The following PSMG2 variants were observed in gnomAD, a reference collection of about 807,000 sequenced individuals.
PSMG2 encodes CD40 ligand-activated specific transcript 3.
PSMG2 carries 21 observed loss-of-function variants against 31.5 expected under a neutral mutation model. The observed-to-expected ratio is 0.67, with a 90% CI of 0.47 to 0.96. The LOEUF (loss-of-function observed/expected upper bound fraction) is 0.96. Among genes scored for constraint, PSMG2 ranks in the 40% least tolerant of loss-of-function variants. The pLI, the probability that PSMG2 is intolerant of heterozygous loss-of-function variation, is 0.00. For synonymous variants in PSMG2, 120 were observed against 110.4 expected, an observed-to-expected ratio of 1.09 and a Z score of -0.54; for missense variants, 318 against 321.2, an observed-to-expected ratio of 0.99 and a Z score of 0.08.
At chr18:12,717,012 C>T (rs530860031) in intron 3 of PSMG2, among the ~76,000 whole-genome samples, 163 of 144,724 alleles carry the variant, frequency 1.1e-3, no homozygotes, top group African/African-American at 4.0e-3. Flanking sequence ...TGCAGTGGCA[C>T]AACTATGGCT....
At chr18:12,697,326 T>C in intron 1 of PSMG2, 1 of 1,613,900 alleles carries the variant, frequency 6.2e-7, no homozygotes, top group Non-Finnish European at 8.5e-7. Context: ...TCTCACCAAA[T>C]ATGTCTGTTT....
chr18:12,720,602 G>C lies in PSMG2; in HGVS notation c.500G>C (p.Arg167Pro). 6.2e-7 allele frequency: 1 copy of C among 1,613,680 alleles called. No individual in the cohort carries two copies. The highest frequency in any genetic ancestry group is 8.5e-7 in the Non-Finnish European group (1 of 1,179,818). ...AACTGGGAAGAAATGGAAAAAAGCCGGTGCATTCCTGAAATAGATGATTCC... is the reference window on the plus strand; with the variant it reads ...AACTGGGAAGAAATGGAAAAAAGCCCGTGCATTCCTGAAATAGATGATTCC... The part of the protein sequence containing the change: ...SLNWEEMEKS[R>P]CIPEIDDSEF... Residue 167 changes from arginine (R) to proline (P), a missense_variant, in exon 5 of 7, where the codon CGG becomes CCG. By Grantham distance (103) the Arg-to-Pro change is moderately radical (BLOSUM62 -2). Coordinates refer to ENST00000317615, the MANE Select transcript of PSMG2 (RefSeq NM_020232.5).
chr18:12,708,366 CT>C (rs1339911703), intron 2 of PSMG2, among the ~76,000 whole-genome samples: 1,473 of 145,242 alleles, frequency 0.01, 28 homozygotes, highest in African/African-American at 0.031. Context: ...ATGCCATGTA[CT>C]TTTTTTTTTT....
chr18:12,714,653 C>G (rs961231208), intron 3 of PSMG2, among the ~76,000 whole-genome samples: 51 of 151,782 alleles, frequency 3.4e-4, no homozygotes, highest in African/African-American at 1.2e-3. Context: ...ACCACCACAC[C>G]CGGCTAATTT....
In PSMG2 at chr18:12,662,059, C is replaced by T. The variant is rs182115744; in HGVS notation, c.-37+3286C>T. 515 of 364,364 alleles carry T rather than the reference C, an allele frequency of 1.4e-3. 1 individual carries two copies. Among genetic ancestry groups the T allele is most frequent in the African/African-American group, 0.011 (492 of 46,042 alleles). The allele number at this position is 364,364 out of a possible 1,614,324, so 22.6% of individuals were successfully genotyped here. ...GAATAAGTGTACTTCATGCTTCATA[C>T]TCTGGAGGTACTGGCTGTGCTGCTC... On this transcript the variant is annotated intron_variant, in intron 1 of 6. Transcript: ENST00000585331.
intron 3 of PSMG2, among the ~76,000 whole-genome samples, chr18:12,717,454 G>T (rs1272732922): frequency 6.6e-6 from 1 of 152,160 alleles, no homozygotes; most frequent in African/African-American, 2.4e-5. Context: ...ACACCTACTT[G>T]ATCTCTCGCT....
chr18:12,710,536 CT>C lies in PSMG2; in HGVS notation c.230-2158del, dbSNP rs200827061. Among the ~76,000 whole-genome samples, 1,195 of 152,030 alleles carry C rather than the reference CT, an allele frequency of 7.9e-3. 14 individuals carry two copies. The highest frequency in any genetic ancestry group is 0.021 in the African/African-American group (852 of 41,512). ...AATCTCTTTTACTCTAGAGCAGTCC[CT>C]TTTTTTTCATCACAAACCGATTTAT... is the stretch of plus-strand genomic sequence containing the variant. On this transcript the variant is annotated intron_variant, in intron 2 of 6. Transcript: ENST00000317615.
At chr18:12,709,808 G>C (rs930210427) in intron 2 of PSMG2, among the ~76,000 whole-genome samples, 1 of 151,506 alleles carries the variant, frequency 6.6e-6, no homozygotes, top group Non-Finnish European at 1.5e-5. Flanking sequence ...CCTAATTTTT[G>C]TATTTTTAGT....
chr18:12,712,690 T>G lies in PSMG2; in HGVS notation c.230-12T>G. ...ACTGTCATATGATTTCATTTTCTTC[T>G]TGTTTTTATAGTGTATTCATTGCCT... On this transcript the variant is annotated splice_polypyrimidine_tract_variant and intron_variant, in intron 2 of 6. Transcript: ENST00000317615. 1.3e-6 allele frequency: 2 copies of G among 1,578,126 alleles called. No homozygotes were observed. Among genetic ancestry groups the G allele is most frequent in the Non-Finnish European group, 1.7e-6 (2 of 1,154,152 alleles).
At chr18:12,670,049 G>A (rs1192980503) in intron 1 of PSMG2, among the ~76,000 whole-genome samples, 1 of 151,772 alleles carries the variant, frequency 6.6e-6, no homozygotes, top group African/African-American at 2.4e-5. Context: ...AGAAGAATAG[G>A]CCAGGTGCGA....
At chr18:12,666,500 G>A (rs1018712239) in intron 1 of PSMG2, among the ~76,000 whole-genome samples, 1 of 139,626 alleles carries the variant, frequency 7.2e-6, no homozygotes, top group African/African-American at 2.7e-5. Flanking sequence ...AGTGCATTGT[G>A]CAATCATGGC....
chr18:12,698,053 A>G (rs916839094), upstream of PSMG2, among the ~76,000 whole-genome samples: 9 of 152,102 alleles, frequency 5.9e-5, no homozygotes, highest in Admixed American at 4.6e-4. Flanking sequence ...ATCAAGTAGC[A>G]TAAAATTTAG....
intron 1 of PSMG2, chr18:12,691,562 C>A: frequency 9.4e-7 from 1 of 1,061,354 alleles, no homozygotes. Context: ...GCAAATTTAT[C>A]TACTTCTCTA....
intron 1 of PSMG2, chr18:12,673,345 A>G: frequency 6.3e-7 from 1 of 1,592,396 alleles, no homozygotes; most frequent in Admixed American, 1.9e-5. Context: ...ACAGGTATAA[A>G]TCTTATATAA....
Position 12,688,880 on chromosome 18 carries a change from C to T in PSMG2, c.-36-17670C>T, listed in dbSNP as rs189442661. Among the ~76,000 whole-genome samples, 278 of 152,108 alleles carry T rather than the reference C, an allele frequency of 1.8e-3. 1 individual carries two copies. The highest frequency in any genetic ancestry group is 6.4e-3 in the African/African-American group (267 of 41,510). ...CTATGATCCCAGCACTTTGGGAGGC[C>T]GAGGCGGGCGGGTCATGAGGTCAGG... On this transcript the variant is annotated intron_variant, in intron 1 of 6. Transcript: ENST00000585331.
chr18:12,694,876 A>ATT (rs1216124284), intron 1 of PSMG2, among the ~76,000 whole-genome samples: 1 of 141,546 alleles, frequency 7.1e-6, no homozygotes, highest in African/African-American at 2.6e-5. Context: ...ACGCCCGGCT[A>ATT]TTTTTTTTTT....
intron 3 of PSMG2, among the ~76,000 whole-genome samples, chr18:12,717,342 GTAGT>G (rs995692052): frequency 2.6e-5 from 4 of 152,114 alleles, no homozygotes; most frequent in African/African-American, 9.7e-5. Flanking sequence ...ATTTTATTGA[GTAGT>G]TATTTTATGA....
intron 1 of PSMG2, among the ~76,000 whole-genome samples, chr18:12,704,070 C>A (rs775664633): frequency 6.6e-6 from 1 of 152,066 alleles, no homozygotes; most frequent in African/African-American, 2.4e-5. Flanking sequence ...AACACACAGC[C>A]CCAGAGAAGA....
intron 1 of PSMG2, among the ~76,000 whole-genome samples, chr18:12,662,419 T>G (rs2038711581): frequency 6.6e-6 from 1 of 152,208 alleles, no homozygotes; most frequent in Non-Finnish European, 1.5e-5. Context: ...AATTCAGGCC[T>G]CCTGACCAGC....
Sources: allele counts gnomAD v4.1 joint callset (sites outside exome capture counted in the v4.1 genomes callset), GRCh38; gene constraint gnomAD v4.1.1; transcripts MANE v1.5; gene names NCBI Gene and HGNC (gene_info 2026-07-23, HGNC 2026-07-21).